EEA1: variants seen among roughly 807,000 people sequenced by gnomAD.
The protein encoded by EEA1 is early endosome antigen 1.
A neutral mutation model predicts 209.2 loss-of-function variants in EEA1; 111 were observed. The observed-to-expected ratio is 0.53, with a 90% CI of 0.45 to 0.62. The LOEUF (loss-of-function observed/expected upper bound fraction) is 0.62. EEA1 is among the 20% of genes least tolerant of loss of function. The pLI is 0.00. For missense variants in EEA1, 1,343 were observed against 1,530.8 expected, an observed-to-expected ratio of 0.88 and a Z score of 2.05; for synonymous variants, 536 against 540.6, an observed-to-expected ratio of 0.99 and a Z score of 0.12.
rs193178719 is a variant in EEA1 at position 92,787,063 on chromosome 12, A to G, written c.3150+804T>C. On this transcript the variant is annotated intron_variant, in intron 22 of 28. Coordinates refer to ENST00000322349, the MANE Select transcript of EEA1 (RefSeq NM_003566.4). ...AGTCCCACCTCCTTCATAATTCCTT[A>G]TAACAGCCTATGGATAAAATATATG... Among the ~76,000 whole-genome samples, 9 of 152,310 alleles carry G rather than the reference A, an allele frequency of 5.9e-5. No homozygotes were observed. The East Asian group carries it at 1.7e-3, about 29-fold the overall frequency.
At chr12:92,881,510 A>G (rs976995415) in intron 2 of EEA1, among the ~76,000 whole-genome samples, 5 of 152,186 alleles carry the variant, frequency 3.3e-5, no homozygotes, top group African/African-American at 1.2e-4. Flanking sequence ...AGGTCAGTTG[A>G]AGAGGTAGGA....
In EEA1 at chr12:92,844,677, T is replaced by G. The variant is rs143174056; in HGVS notation, c.799-2096A>C. Among the ~76,000 whole-genome samples, 348 of 152,232 alleles carry G rather than the reference T, an allele frequency of 2.3e-3. 2 individuals carry two copies. The highest frequency in any genetic ancestry group is 7.7e-3 in the African/African-American group (321 of 41,576). Reference sequence around the variant, plus strand: ...TTAGTAGGGTAACAATTTGACTATTTTAACTCACTATGTTTTAATCATATA... The same window carrying G: ...TTAGTAGGGTAACAATTTGACTATTGTAACTCACTATGTTTTAATCATATA... On this transcript the variant is annotated intron_variant, in intron 9 of 28. Coordinates refer to ENST00000322349, the MANE Select transcript of EEA1 (RefSeq NM_003566.4).
At chr12:92,913,470 CA>C (rs1164407486) in intron 1 of EEA1, among the ~76,000 whole-genome samples, 8 of 152,158 alleles carry the variant, frequency 5.3e-5, no homozygotes, top group African/African-American at 1.4e-4. Flanking sequence ...CATTTTCTCC[CA>C]TTCTGTAGGT....
At chr12:92,835,117 A>G (rs948010180) in intron 10 of EEA1, among the ~76,000 whole-genome samples, 3 of 151,776 alleles carry the variant, frequency 2.0e-5, no homozygotes, top group Non-Finnish European at 4.4e-5. Flanking sequence ...TCCTGACCTC[A>G]TGATCCGCCC....
chr12:92,797,059 G>T (rs139088807), intron 21 of EEA1, among the ~76,000 whole-genome samples: 1 of 152,140 alleles, frequency 6.6e-6, no homozygotes, highest in African/African-American at 2.4e-5. Flanking sequence ...TTGTTTTACT[G>T]TATTTTAAAT....
At chr12:92,881,917 C>T (rs77114605) in intron 2 of EEA1, among the ~76,000 whole-genome samples, 12,587 of 152,190 alleles carry the variant, frequency 0.083, 605 homozygotes, top group Non-Finnish European at 0.098. Context: ...TTTTCTTCCA[C>T]CTCTGCCTCC....
intron 3 of EEA1, among the ~76,000 whole-genome samples, chr12:92,864,125 T>TTAA (rs1209829572): frequency 6.6e-6 from 1 of 152,204 alleles, no homozygotes; most frequent in Non-Finnish European, 1.5e-5. Flanking sequence ...AATGGCCATG[T>TTAA]TTTATAGATC....
intron 3 of EEA1, chr12:92,858,399 C>G: frequency 8.6e-7 from 1 of 1,159,670 alleles, no homozygotes; most frequent in South Asian, 1.2e-5. Context: ...TTGTAATGTG[C>G]TGGTAGCCTT....
chr12:92,888,007 T>C (rs930389676), intron 2 of EEA1, among the ~76,000 whole-genome samples: 2 of 152,112 alleles, frequency 1.3e-5, no homozygotes, highest in Non-Finnish European at 2.9e-5. Flanking sequence ...ATTTATTGGC[T>C]GATTAATTAT....
At chr12:92,796,162 T>G (rs757522556) in intron 21 of EEA1, among the ~76,000 whole-genome samples, 2 of 152,160 alleles carry the variant, frequency 1.3e-5, no homozygotes, top group Non-Finnish European at 2.9e-5. Context: ...CTTTACATTT[T>G]GCTTTCTCAT....
chr12:92,921,759 G>GAAAAAA (rs751838383), intron 1 of EEA1, among the ~76,000 whole-genome samples: 3 of 76,714 alleles, frequency 3.9e-5, no homozygotes, highest in African/African-American at 5.2e-5. Flanking sequence ...TAAAAAAAAA[G>GAAAAAA]AAAAAAAAAA....
chr12:92,928,966 A>G (rs1192943342), intron 1 of EEA1, 77 bp downstream of exon 1: 2 of 1,466,238 alleles, frequency 1.4e-6, no homozygotes, highest in Non-Finnish European at 1.8e-6. Context: ...CGCGCTGAGG[A>G]GGGGCGCCCG....
intron 1 of EEA1, among the ~76,000 whole-genome samples, chr12:92,907,995 C>A (rs917299658): frequency 1.3e-5 from 2 of 152,066 alleles, no homozygotes; most frequent in Non-Finnish European, 2.9e-5. Context: ...AAAATTAAAA[C>A]CTAAATGAAC....
At chr12:92,927,372 T>C (rs898742183) in intron 1 of EEA1, among the ~76,000 whole-genome samples, 2 of 152,234 alleles carry the variant, frequency 1.3e-5, no homozygotes, top group African/African-American at 4.8e-5. Flanking sequence ...GATGATTCAA[T>C]ATCACATCTC....
intron 2 of EEA1, among the ~76,000 whole-genome samples, chr12:92,872,132 T>G (rs975208469): frequency 2.0e-5 from 3 of 147,242 alleles, no homozygotes; most frequent in African/African-American, 7.5e-5. Context: ...CACTGCAACC[T>G]CCTCCTCCCA....
chr12:92,894,094 T>C (rs1236538880), intron 1 of EEA1, among the ~76,000 whole-genome samples: 1 of 152,214 alleles, frequency 6.6e-6, no homozygotes, highest in Non-Finnish European at 1.5e-5. Context: ...TATTATCATA[T>C]CTGTTATGGT....
At position 92,779,181 on chromosome 12, in the gene EEA1, T is replaced by C. The variant is rs767911803; in HGVS notation, c.3588A>G (p.Leu1196=). 1.1e-5 allele frequency: 17 copies of C among 1,611,718 alleles called. No homozygotes were observed. In the East Asian group the frequency reaches 2.9e-4, roughly 28 times the overall value. ...CTTCTTCCTTTTTCACCTGGTCTTTTAGTATCTGCTGATTTCTCTTCTCCT... is the reference window on the plus strand; with the variant it reads ...CTTCTTCCTTTTTCACCTGGTCTTTCAGTATCTGCTGATTTCTCTTCTCCT... The part of the protein sequence containing the change: ...VEQEKRNQQI[L]KDQVKKEEEE... The change falls in exon 25 of 29, where the codon CTA becomes CTG. Residue 1196 remains leucine, a synonymous_variant. Transcript: ENST00000322349.
chr12:92,826,484 C>A lies in EEA1; in HGVS notation c.1405-199G>T, dbSNP rs182860064. Among the ~76,000 whole-genome samples, 188 of 151,564 alleles carry A rather than the reference C, an allele frequency of 1.2e-3. 1 individual carries two copies. Among genetic ancestry groups the A allele is most frequent in the African/African-American group, 4.4e-3 (181 of 41,290 alleles). On this transcript the variant is annotated intron_variant, in intron 12 of 28. Transcript: ENST00000322349. ...CAGCACTTTGGGAGGCCAAGATGGG[C>A]GAATCACAAGGTCAGGAGTTCGAAA... is the stretch of plus-strand genomic sequence containing the variant.
At chr12:92,884,461 T>C in intron 2 of EEA1, 4 of 1,471,284 alleles carry the variant, frequency 2.7e-6, no homozygotes, top group Non-Finnish European at 3.8e-6. Flanking sequence ...ATGGTGGCAG[T>C]GGGGATGGCT....
Sources: allele counts gnomAD v4.1 joint callset (sites outside exome capture counted in the v4.1 genomes callset), GRCh38; gene constraint gnomAD v4.1.1; transcripts MANE v1.5; gene names NCBI Gene and HGNC (gene_info 2026-07-23, HGNC 2026-07-21).